Variants in SLC16A5 observed in about 807,000 individuals in gnomAD.
The protein encoded by SLC16A5 is solute carrier family 16 member 5.
SLC16A5 carries 29 observed loss-of-function variants against 33.2 expected under a neutral mutation model. The ratio of observed to expected loss-of-function variants is 0.87; its 90% CI spans 0.65 to 1.19. The LOEUF is 1.19. SLC16A5 is among the 50% of genes most tolerant of loss of function. The pLI is 0.00. For synonymous variants in SLC16A5, 248 were observed against 284.1 expected, an observed-to-expected ratio of 0.87 and a Z score of 1.28; for missense variants, 606 against 678.2, an observed-to-expected ratio of 0.89 and a Z score of 1.18.
rs200935710 is a variant in SLC16A5 at position 75,100,350 on chromosome 17, C to G, written c.687C>G (p.Phe229Leu). 6.2e-7 allele frequency: 1 copy of G among 1,614,200 alleles called. No homozygotes were observed. Among genetic ancestry groups the G allele is most frequent in the Non-Finnish European group, 8.5e-7 (1 of 1,180,044 alleles). The change falls in exon 5 of 7, where the codon TTC (phenylalanine) becomes TTG (leucine). Residue 229 changes from phenylalanine (F) to leucine (L), a missense_variant. Coordinates refer to ENST00000329783, the MANE Select transcript of SLC16A5 (RefSeq NM_004695.4). ...GGACCATCCAGCGCCACCTGGCCTT[C>G]GACATCCTGCGGCACAACACAGGCT... is the stretch of plus-strand genomic sequence containing the variant. Reference protein sequence around the residue: ...CGRTIQRHLAFDILRHNTGYC... With the variant: ...CGRTIQRHLALDILRHNTGYC...
intron 2 of SLC16A5, chr17:75,093,165 ATCCTT>A: frequency 1.9e-6 from 1 of 529,528 alleles, no homozygotes; most frequent in Non-Finnish European, 3.4e-6. Flanking sequence ...AGGAGGGTGT[ATCCTT>A]GGGTGCATTT....
At chr17:75,107,101 C>T (rs2073869500), downstream of SLC16A5, among the ~76,000 whole-genome samples, 5 of 151,606 alleles carry the variant, frequency 3.3e-5, 2 homozygotes, top group South Asian at 1.0e-3. Flanking sequence ...ACTTGAGAGG[C>T]CACCCTGGGC....
rs142208907 is a variant in SLC16A5 at position 75,100,221 on chromosome 17, G to A, written c.558G>A (p.Gly186=). 8.1e-6 allele frequency: 13 copies of A among 1,614,072 alleles called. No homozygotes were observed. Among genetic ancestry groups the A allele is most frequent in the African/African-American group, 1.3e-5 (1 of 74,928 alleles). The change falls in exon 5 of 7, where the codon GGG becomes GGA. Residue 186 remains glycine (G), a synonymous_variant. Coordinates refer to ENST00000329783, the MANE Select transcript of SLC16A5 (RefSeq NM_004695.4). ...GGIFLHCCIC[G]AIIRPVATSV... is the part of the protein sequence containing the mutation. ...TCTTTCTCCACTGCTGCATCTGCGG[G>A]GCCATCATAAGGCCTGTGGCCACCA...
chr17:75,106,592 TAA>T (rs1381571531), downstream of SLC16A5, among the ~76,000 whole-genome samples: 3 of 93,478 alleles, frequency 3.2e-5, no homozygotes, highest in Admixed American at 1.2e-4. Flanking sequence ...GTCTTTTTTT[TAA>T]AAAAAAAAAA....
At chr17:75,097,269 C>G (rs1377853501) in intron 3 of SLC16A5, among the ~76,000 whole-genome samples, 1 of 152,060 alleles carries the variant, frequency 6.6e-6, no homozygotes, top group Non-Finnish European at 1.5e-5. Context: ...TCCACATGTG[C>G]TTGGGTGAAT....
chr17:75,097,062 G>A (rs557213987), intron 3 of SLC16A5, among the ~76,000 whole-genome samples: 1 of 151,748 alleles, frequency 6.6e-6, no homozygotes, highest in Admixed American at 6.6e-5. Context: ...CTGACCTTAA[G>A]TGATCCACCC....
intron 2 of SLC16A5, among the ~76,000 whole-genome samples, chr17:75,091,256 C>G (rs944216891): frequency 6.6e-6 from 1 of 152,236 alleles, no homozygotes; most frequent in East Asian, 1.9e-4. Context: ...ACCTTGACAT[C>G]GGGGCAACAC....
intron 6 of SLC16A5, chr17:75,104,518 C>T (rs1292634622): frequency 3.0e-6 from 3 of 1,006,954 alleles, no homozygotes; most frequent in Non-Finnish European, 2.4e-6. Flanking sequence ...CTCCCAAGTT[C>T]AAGGGATTCT....
At chr17:75,104,274 G>T in intron 6 of SLC16A5, 94 bp downstream of exon 6, 1 of 1,536,272 alleles carries the variant, frequency 6.5e-7, no homozygotes. Context: ...GCCCAGCCCA[G>T]GAGGGGGACC....
chr17:75,102,922 C>A (rs1238026975), intron 5 of SLC16A5, among the ~76,000 whole-genome samples: 2 of 150,826 alleles, frequency 1.3e-5, no homozygotes, highest in Non-Finnish European at 3.0e-5. Flanking sequence ...GACAGAGTCT[C>A]GCTCTATTGC....
chr17:75,102,689 G>A (rs1163248208), intron 5 of SLC16A5, among the ~76,000 whole-genome samples: 1 of 152,128 alleles, frequency 6.6e-6, no homozygotes, highest in Non-Finnish European at 1.5e-5. Flanking sequence ...TGGGGACTCC[G>A]TCCAAGTGTG....
At chr17:75,091,666 G>A (rs2073639019) in intron 2 of SLC16A5, among the ~76,000 whole-genome samples, 1 of 152,188 alleles carries the variant, frequency 6.6e-6, no homozygotes, top group South Asian at 2.1e-4. Context: ...CAGGAAGAGG[G>A]GGTTTCATAT....
chr17:75,104,834 C>T, intron 6 of SLC16A5: 1 of 985,420 alleles, frequency 1.0e-6, no homozygotes, highest in South Asian at 4.7e-5. Context: ...ACTCGGGGCC[C>T]AGGAACCTGG....
intron 5 of SLC16A5, among the ~76,000 whole-genome samples, chr17:75,101,080 C>G (rs2073792981): frequency 6.6e-6 from 1 of 151,106 alleles, no homozygotes; most frequent in Admixed American, 6.6e-5. Flanking sequence ...AACCCCGTCT[C>G]TACTAAAAAT....
chr17:75,093,453 G>A (rs1218060244), intron 2 of SLC16A5, 136 bp from the exon 3 acceptor site: 1 of 1,536,038 alleles, frequency 6.5e-7, no homozygotes, highest in African/African-American at 1.4e-5. Context: ...CCACCTCCCA[G>A]GGGTGGTGCC....
rs763478918 is a variant in SLC16A5, at chr17:75,098,076, C to T, written c.238C>T (p.Arg80Ter). The change falls in exon 4 of 7, where the codon CGA becomes TGA. Residue 80 changes from arginine (R) to a stop codon, truncating the protein, a stop_gained. Transcript: ENST00000329783. LOFTEE classifies it high-confidence loss of function. Reference sequence around the variant, plus strand: ...CATCCTGGTGGGACGCTTCGGCTGCCGAGTGACCGTGATGCTGGGGGGCGT... The same window carrying T: ...CATCCTGGTGGGACGCTTCGGCTGCTGAGTGACCGTGATGCTGGGGGGCGT... ...CSILVGRFGC[R>*]VTVMLGGVLA... The T allele has an allele frequency of 8.7e-6, 14 of 1,608,884 alleles. No individual in the cohort carries two copies. The highest frequency in any genetic ancestry group is 2.3e-5 in the East Asian group (1 of 44,072).
chr17:75,092,028 G>T (rs72844536), intron 2 of SLC16A5, among the ~76,000 whole-genome samples: 5,437 of 149,652 alleles, frequency 0.036, 122 homozygotes, highest in Non-Finnish European at 0.047. Flanking sequence ...ATGTGAGGGG[G>T]GTGTGTGTGT....
rs138775346 is a variant in SLC16A5 at position 75,099,747 on chromosome 17, G to A, written c.344-260G>A. ...AGCCACCGCGCTCGGCCCAATTTGG[G>A]TTTTTAAAAGATAACTCTCGTGCTA... On this transcript the variant is annotated intron_variant, in intron 4 of 6. Transcript: ENST00000329783. Among the ~76,000 whole-genome samples the A allele has an allele frequency of 2.7e-4, 41 of 152,202 alleles. 1 individual carries two copies. The highest frequency in any genetic ancestry group is 9.6e-4 in the African/African-American group (40 of 41,562).
chr17:75,105,995 G>A lies in SLC16A5; in HGVS notation c.1480G>A (p.Ala494Thr). 6.2e-7 allele frequency: 1 copy of A among 1,604,692 alleles called. No homozygotes were observed. Among genetic ancestry groups the A allele is most frequent in the East Asian group, 2.2e-5 (1 of 44,542 alleles). Reference protein sequence around the residue: ...WLLWPKAVLQAKQTALGWNSP... With the variant: ...WLLWPKAVLQTKQTALGWNSP... ...CTTATGGCCAAAGGCGGTACTGCAG[G>A]CCAAGCAAACGGCTCTGGGCTGGAA... is the stretch of plus-strand genomic sequence containing the variant. The change falls in exon 7 of 7, where the codon GCC (alanine) becomes ACC (threonine). Residue 494 changes from alanine (A) to threonine (T), a missense_variant. Coordinates refer to ENST00000329783, the MANE Select transcript of SLC16A5 (RefSeq NM_004695.4).
Sources: allele counts gnomAD v4.1 joint callset (sites outside exome capture counted in the v4.1 genomes callset), GRCh38; gene constraint gnomAD v4.1.1; transcripts MANE v1.5; gene names NCBI Gene and HGNC (gene_info 2026-07-23, HGNC 2026-07-21).